Variants in NDST4 observed in about 807,000 individuals in gnomAD.
NDST4 encodes N-heparan sulfate sulfotransferase 4.
Under a neutral mutation model 100.8 loss-of-function variants are expected in NDST4, and 63 were observed. The ratio of observed to expected loss-of-function variants is 0.62; its 90% CI spans 0.51 to 0.77. The LOEUF (loss-of-function observed/expected upper bound fraction) is 0.77, where lower values mean the gene tolerates loss of function less well. NDST4 is among the 30% of genes least tolerant of loss of function. NDST4 has a pLI of 0.00. For missense variants in NDST4, 943 were observed against 1,018.4 expected (o/e 0.93, Z 1.01); for synonymous variants, 377 against 361.8 (o/e 1.04, Z -0.48).
At chr4:114,838,303 G>A (rs1317515836) in intron 11 of NDST4, among the ~76,000 whole-genome samples, 1 of 152,160 alleles carries the variant, frequency 6.6e-6, no homozygotes, top group Non-Finnish European at 1.5e-5. Flanking sequence ...ATTTGACCCA[G>A]CAATCCCATT....
Position 115,008,352 on chromosome 4 carries a change from C to T in NDST4, c.979-31078G>A, listed in dbSNP as rs1341410453. ...TTGCAGTGGCTGGTACCAGTTGTTC[C>T]TTTCCATGTTTAGCTTCAGGAGCTC... On this transcript the variant is annotated intron_variant, in intron 2 of 13. Transcript: ENST00000264363. Among the ~76,000 whole-genome samples, 2 of 128,756 alleles carry T rather than the reference C, an allele frequency of 1.6e-5. 1 individual carries two copies. The highest frequency in any genetic ancestry group is 5.9e-5 in the African/African-American group (2 of 33,902). The allele number at this position is 128,756 out of a possible 152,430, so 84.5% of individuals were successfully genotyped here. A position where few individuals can be genotyped will look rare whatever the true frequency, so the allele number is the denominator to read the frequency against.
At chr4:114,847,190 A>T (rs1358842761) in intron 9 of NDST4, among the ~76,000 whole-genome samples, 1 of 132,414 alleles carries the variant, frequency 7.6e-6, no homozygotes, top group Non-Finnish European at 1.5e-5. Context: ...TCCCGGCTAA[A>T]ACGGTGAAAC....
Position 115,009,284 on chromosome 4 carries a change from A to C in NDST4, c.979-32010T>G. Among the ~76,000 whole-genome samples, 2 of 129,422 alleles carry C rather than the reference A, an allele frequency of 1.5e-5. 1 individual carries two copies. The highest frequency in any genetic ancestry group is 3.3e-5 in the Non-Finnish European group (2 of 60,456). 84.9% of individuals were successfully genotyped at this position (129,422 alleles called of 152,430 possible). A position where few individuals can be genotyped will look rare whatever the true frequency, so the allele number is the denominator to read the frequency against. The stretch of plus-strand genomic sequence containing the variant: ...GCATCACGCTACCTAACTTCATACT[A>C]TACTACAAGGCTACAGTAACCAAAA... On this transcript the variant is annotated intron_variant, in intron 2 of 13. Coordinates refer to ENST00000264363, the MANE Select transcript of NDST4 (RefSeq NM_022569.3).
intron 1 of NDST4, among the ~76,000 whole-genome samples, chr4:115,109,203 T>C (rs1729893165): frequency 1.3e-5 from 2 of 151,078 alleles, no homozygotes; most frequent in Admixed American, 1.3e-4. Context: ...TGAAAAGAGA[T>C]TAAGGAAGCA....
At chr4:114,957,122 A>T (rs1464461215) in intron 4 of NDST4, among the ~76,000 whole-genome samples, 1 of 152,246 alleles carries the variant, frequency 6.6e-6, no homozygotes, top group Non-Finnish European at 1.5e-5. Flanking sequence ...TCAAATAAAA[A>T]TTCTAGAGAT....
rs756320744 is a variant in NDST4 at position 114,852,771 on chromosome 4, A to G, written c.1770T>C (p.Thr590=). 1.4e-5 allele frequency: 22 copies of G among 1,612,792 alleles called. No individual in the cohort carries two copies. The highest frequency in any genetic ancestry group is 1.6e-4 in the Middle Eastern group (1 of 6,076). Residue 590 remains threonine (T), a synonymous_variant, in exon 8 of 14, where the codon ACT becomes ACC. Coordinates refer to ENST00000264363, the MANE Select transcript of NDST4 (RefSeq NM_022569.3). ...CTAGAAATTTTGGTAAGTGGTCACAAGTTTTCTCTCTGGACCAGATGTCTT... is the reference window on the plus strand; with the variant it reads ...CTAGAAATTTTGGTAAGTGGTCACAGGTTTTCTCTCTGGACCAGATGTCTT... The part of the protein sequence containing the change: ...RHKDIWSREK[T]CDHLPKFLVI...
intron 1 of NDST4, among the ~76,000 whole-genome samples, chr4:115,097,997 T>C (rs1168397826): frequency 6.6e-6 from 1 of 152,176 alleles, no homozygotes; most frequent in Non-Finnish European, 1.5e-5. Context: ...AGTATAGTTG[T>C]TTCCGGTTTC....
chr4:114,903,758 A>G (rs1724894316), intron 6 of NDST4, among the ~76,000 whole-genome samples: 1 of 152,040 alleles, frequency 6.6e-6, no homozygotes, highest in Non-Finnish European at 1.5e-5. Context: ...ACAATAAAGA[A>G]AAATAAAGGA....
chr4:115,008,229 G>C lies in NDST4; in HGVS notation c.979-30955C>G, dbSNP rs1377847386. Among the ~76,000 whole-genome samples, 4 of 129,510 alleles carry C rather than the reference G, an allele frequency of 3.1e-5. 1 individual carries two copies. The highest frequency in any genetic ancestry group is 6.6e-5 in the Non-Finnish European group (4 of 60,470). 85.0% of individuals were successfully genotyped at this position (129,510 alleles called of 152,430 possible). A position where few individuals can be genotyped will look rare whatever the true frequency, so the allele number is the denominator to read the frequency against. Reference sequence around the variant, plus strand: ...ATTTAAAGTTAATACTGTTATGTGTGAATTTGATCCTGTCATTATGATGTT... The same window carrying C: ...ATTTAAAGTTAATACTGTTATGTGTCAATTTGATCCTGTCATTATGATGTT... On this transcript the variant is annotated intron_variant, in intron 2 of 13. Transcript: ENST00000264363.
chr4:114,938,598 G>C (rs1197464108), intron 4 of NDST4, among the ~76,000 whole-genome samples: 1 of 152,186 alleles, frequency 6.6e-6, no homozygotes. Context: ...GAACACAAAA[G>C]TGTTGACTTG....
intron 1 of NDST4, among the ~76,000 whole-genome samples, chr4:115,083,033 C>T (rs949530820): frequency 3.3e-5 from 5 of 152,136 alleles, no homozygotes; most frequent in Non-Finnish European, 7.4e-5. Flanking sequence ...TTCGTGATGG[C>T]TGTGAGAAAA....
At chr4:115,109,095 GAA>G (rs148594870) in intron 1 of NDST4, among the ~76,000 whole-genome samples, 3 of 150,854 alleles carry the variant, frequency 2.0e-5, no homozygotes, top group African/African-American at 7.3e-5. Flanking sequence ...AATAAGAAGA[GAA>G]GAGAGAAAAG....
At chr4:114,910,694 C>T (rs11930174) in intron 6 of NDST4, among the ~76,000 whole-genome samples, 45,324 of 151,942 alleles carry the variant, frequency 0.3, 9,083 homozygotes, top group African/African-American at 0.57. Context: ...AAATGACTAA[C>T]GTGTTAGATG....
At chr4:114,966,736 T>C (rs570158029) in intron 4 of NDST4, among the ~76,000 whole-genome samples, 2 of 152,250 alleles carry the variant, frequency 1.3e-5, no homozygotes, top group East Asian at 3.9e-4. Flanking sequence ...CAATTCCAGC[T>C]AGATAAGGAT....
chr4:114,984,297 G>C (rs1434419763), intron 2 of NDST4, among the ~76,000 whole-genome samples: 1 of 152,016 alleles, frequency 6.6e-6, no homozygotes, highest in African/African-American at 2.4e-5. Context: ...TCCTGCCTCA[G>C]CCTCCTGAGT....
chr4:114,995,682 C>G (rs568992468), intron 2 of NDST4, among the ~76,000 whole-genome samples: 5 of 152,132 alleles, frequency 3.3e-5, no homozygotes, highest in African/African-American at 1.2e-4. Context: ...TATCAGAATG[C>G]TTCTGTTTTT....
intron 6 of NDST4, among the ~76,000 whole-genome samples, chr4:114,875,495 A>G (rs762664275): frequency 2.0e-5 from 3 of 152,208 alleles, no homozygotes; most frequent in Non-Finnish European, 2.9e-5. Context: ...AGGAAGGTTT[A>G]TGTATCAAAA....
intron 2 of NDST4, among the ~76,000 whole-genome samples, chr4:115,072,303 A>G (rs935707564): frequency 6.6e-6 from 1 of 152,128 alleles, no homozygotes; most frequent in Non-Finnish European, 1.5e-5. Flanking sequence ...ATTCAATACA[A>G]TTCCTAACAA....
At chr4:114,894,727 T>A (rs1724676054) in intron 6 of NDST4, among the ~76,000 whole-genome samples, 1 of 152,156 alleles carries the variant, frequency 6.6e-6, no homozygotes, top group South Asian at 2.1e-4. Flanking sequence ...TTGAATAGGC[T>A]TTATGTCTTC....
Sources: gnomAD v4.1 joint callset for allele counts (sites outside exome capture counted in the v4.1 genomes callset) on GRCh38, gnomAD v4.1.1 for gene constraint, MANE v1.5 for transcripts, NCBI Gene and HGNC (gene_info 2026-07-23, HGNC 2026-07-21) for gene names.